The following KCNT1 variants were observed in gnomAD, a reference collection of about 807,000 sequenced individuals.
The protein encoded by KCNT1 is potassium channel subfamily T member 1.
Under a neutral mutation model 147.8 loss-of-function variants are expected in KCNT1, and 78 were observed. The observed-to-expected ratio is 0.53, with a 90% CI of 0.44 to 0.64. KCNT1 has a LOEUF of 0.64. KCNT1 is among the 30% of genes least tolerant of loss of function. KCNT1 has a pLI of 0.00. For missense variants in KCNT1, 1,419 were observed against 1,750.3 expected, an observed-to-expected ratio of 0.81 and a Z score of 3.38; for synonymous variants, 867 against 748.8, an observed-to-expected ratio of 1.16 and a Z score of -2.58.
At chr9:135,728,366 A>G (rs1184891411) in intron 2 of KCNT1, among the ~76,000 whole-genome samples, 1 of 152,212 alleles carries the variant, frequency 6.6e-6, no homozygotes, top group Non-Finnish European at 1.5e-5. Context: ...ATCGGGGCAG[A>G]TTCACCTGGT....
chr9:135,726,957 CTCCCTCTCCCTCTCTTTCCCAT>C (rs1836191957), intron 2 of KCNT1, among the ~76,000 whole-genome samples: 1 of 9,726 alleles, frequency 1.0e-4, no homozygotes, highest in Non-Finnish European at 2.3e-4. Context: ...CTTTCCCATT[CTCCCTCTCCCTCTCTTTCCCAT>C]TCTCTCTCTC....
intron 2 of KCNT1, among the ~76,000 whole-genome samples, chr9:135,716,284 G>T (rs533350115): frequency 6.6e-6 from 1 of 152,164 alleles, no homozygotes. Flanking sequence ...CAGATGACTC[G>T]ATAACGCCTG....
rs1835634804 is a variant in KCNT1, at chr9:135,714,448, C to T, written c.111-129C>T. The T allele has an allele frequency of 4.1e-5, 21 of 509,512 alleles. No individual in the cohort carries two copies. The highest frequency in any genetic ancestry group is 6.6e-5 in the Admixed American group (1 of 15,052). The allele number at this position is 509,512 out of a possible 1,614,324, so 31.6% of individuals were successfully genotyped here. ...GCCGCCAGGCCCGCCCCCGCCCGGC[C>T]GCCCGCCCGCCCGGTGGGTCGCGGT... On this transcript the variant is annotated intron_variant, in intron 1 of 30. Coordinates refer to ENST00000371757, the MANE Select transcript of KCNT1 (RefSeq NM_020822.3). The surrounding 1 kb of genome is among the most constrained non-coding windows in gnomAD (Gnocchi z 6.2).
chr9:135,714,458 C>A lies in KCNT1; in HGVS notation c.111-119C>A. 2 of 641,716 alleles carry A rather than the reference C, an allele frequency of 3.1e-6. No individual in the cohort carries two copies. The highest frequency in any genetic ancestry group is 3.8e-6 in the Non-Finnish European group (2 of 519,810). The allele number at this position is 641,716 out of a possible 1,614,324, so 39.8% of individuals were successfully genotyped here. ...CCGCCCCCGCCCGGCCGCCCGCCCGCCCGGTGGGTCGCGGTGGCCGCGGGC... is the reference window on the plus strand; with the variant it reads ...CCGCCCCCGCCCGGCCGCCCGCCCGACCGGTGGGTCGCGGTGGCCGCGGGC... On this transcript the variant is annotated intron_variant, in intron 1 of 30. Coordinates refer to ENST00000371757, the MANE Select transcript of KCNT1 (RefSeq NM_020822.3). The surrounding 1 kb of genome is among the most constrained non-coding windows in gnomAD (Gnocchi z 6.2).
At chr9:135,787,316 A>T (rs979771051) in intron 29 of KCNT1, among the ~76,000 whole-genome samples, 1 of 152,112 alleles carries the variant, frequency 6.6e-6, no homozygotes, top group African/African-American at 2.4e-5. Context: ...AGAGAAGCTC[A>T]TCCCCTCCCT....
intron 2 of KCNT1, among the ~76,000 whole-genome samples, chr9:135,737,323 G>A (rs1052448771): frequency 2.0e-5 from 3 of 152,172 alleles, no homozygotes; most frequent in Non-Finnish European, 4.4e-5. Context: ...GGTTGGGCAG[G>A]TGGAGCAGCG....
chr9:135,750,006 T>C, intron 2 of KCNT1, 92 bp from the exon 3 acceptor site: 1 of 981,126 alleles, frequency 1.0e-6, no homozygotes, highest in Non-Finnish European at 1.6e-6. Flanking sequence ...GTTGGAAAGT[T>C]GGAAGAAGTC....
At chr9:135,729,415 G>A (rs377216267) in intron 2 of KCNT1, among the ~76,000 whole-genome samples, 1 of 152,270 alleles carries the variant, frequency 6.6e-6, no homozygotes, top group Non-Finnish European at 1.5e-5. Context: ...CGCAGATGGC[G>A]GGAATGAGCC....
At chr9:135,703,924 A>G (rs1835138763) in intron 1 of KCNT1, among the ~76,000 whole-genome samples, 1 of 152,210 alleles carries the variant, frequency 6.6e-6, no homozygotes, top group Admixed American at 6.5e-5. Flanking sequence ...CCGTTGCAAC[A>G]GAGATTCCCT....
intron 1 of KCNT1, among the ~76,000 whole-genome samples, chr9:135,708,700 T>A (rs568154659): frequency 1.3e-5 from 2 of 152,204 alleles, no homozygotes; most frequent in Non-Finnish European, 2.9e-5. Context: ...ACAGGCACCA[T>A]GCCTGGATAA....
intron 2 of KCNT1, among the ~76,000 whole-genome samples, chr9:135,745,574 A>G (rs143719057): frequency 2.6e-5 from 4 of 152,304 alleles, no homozygotes; most frequent in African/African-American, 4.8e-5. Flanking sequence ...CAGCCTCTCA[A>G]TGGAGCCTGT....
At chr9:135,721,531 G>A (rs766095877) in intron 2 of KCNT1, among the ~76,000 whole-genome samples, 5 of 152,210 alleles carry the variant, frequency 3.3e-5, no homozygotes, top group Non-Finnish European at 7.3e-5. Context: ...CTCCTGGCCG[G>A]GGGAGGGTGC....
intron 10 of KCNT1, among the ~76,000 whole-genome samples, chr9:135,759,296 C>T (rs376213115): frequency 2.0e-5 from 3 of 152,134 alleles, no homozygotes; most frequent in East Asian, 3.9e-4. Context: ...AGACCCCAGG[C>T]CCACCCCTGT....
At chr9:135,717,463 G>A (rs150006146) in intron 2 of KCNT1, among the ~76,000 whole-genome samples, 3 of 152,210 alleles carry the variant, frequency 2.0e-5, no homozygotes, top group African/African-American at 7.2e-5. Flanking sequence ...CTGGTCGGCT[G>A]GTGTCCAGCC....
intron 2 of KCNT1, among the ~76,000 whole-genome samples, chr9:135,731,989 TATAGAGAGAGAGAGAGAGAGAGAG>T (rs1287394762): frequency 2.1e-4 from 4 of 18,652 alleles, no homozygotes; most frequent in African/African-American, 4.0e-4. Flanking sequence ...TATATATATA[TATAGAGAGAGAGAGAGAGAGAGAG>T]AGAGAGAGAG....
intron 14 of KCNT1, 72 bp downstream of exon 14, chr9:135,768,745 A>G: frequency 6.5e-7 from 1 of 1,536,154 alleles, no homozygotes; most frequent in Admixed American, 1.9e-5. Context: ...CCCTGAGGGA[A>G]GAGACCTGCC....
chr9:135,765,138 C>T lies in KCNT1; in HGVS notation c.1143C>T (p.Leu381=), dbSNP rs1418392880. The T allele has an allele frequency of 6.2e-7, 1 of 1,613,550 alleles. No individual in the cohort carries two copies. The change falls in exon 12 of 31, where the codon CTC becomes CTT. Residue 381 remains leucine (L), a synonymous_variant. Transcript: ENST00000371757. ...ACGTGGTCCTGTGTGTCAGCTCCCT[C>T]AAGATCGACCTTCTCATGGACTTCC... The part of the protein sequence containing the change: ...EKHVVLCVSS[L]KIDLLMDFLN...
chr9:135,760,842 C>T (rs1348606599), intron 11 of KCNT1, among the ~76,000 whole-genome samples: 1 of 152,242 alleles, frequency 6.6e-6, no homozygotes, highest in African/African-American at 2.4e-5. Context: ...ACTCCACCGT[C>T]CAGTGCCACG....
intron 27 of KCNT1, 146 bp from the exon 28 acceptor site, chr9:135,785,164 A>G: frequency 7.8e-7 from 1 of 1,281,490 alleles, no homozygotes; most frequent in Non-Finnish European, 1.1e-6. Context: ...CAGGAAGAAT[A>G]CGGGCAGCCC....
Sources: allele counts gnomAD v4.1 joint callset (sites outside exome capture counted in the v4.1 genomes callset), GRCh38; gene constraint gnomAD v4.1.1; non-coding constraint Gnocchi (gnomAD v3.1); transcripts MANE v1.5; gene names NCBI Gene and HGNC (gene_info 2026-07-23, HGNC 2026-07-21).